PALM2AKAP2: variants seen among roughly 807,000 people sequenced by gnomAD.
PALM2AKAP2 encodes the protein PALM2 and AKAP2 fusion.
In PALM2AKAP2, 37 loss-of-function variants were observed where a neutral mutation model predicts 71.5. That is an observed-to-expected ratio of 0.52 (90% CI 0.40 to 0.68). The LOEUF is 0.68. Among genes scored for constraint, PALM2AKAP2 ranks in the 30% least tolerant of loss-of-function variants. PALM2AKAP2 has a pLI of 0.00. For synonymous variants in PALM2AKAP2, 468 were observed against 478.8 expected (o/e 0.98, Z 0.29); for missense variants, 1,224 against 1,191.8 (o/e 1.03, Z -0.40).
At chr9:109,689,200 C>CTTT (rs200092612) in intron 1 of PALM2AKAP2, among the ~76,000 whole-genome samples, 5 of 134,150 alleles carry the variant, frequency 3.7e-5, no homozygotes, top group Admixed American at 7.6e-5. Context: ...TTTTTCTTTT[C>CTTT]TTTTTTTTTT....
intron 1 of PALM2AKAP2, among the ~76,000 whole-genome samples, chr9:110,129,922 C>T (rs925262993): frequency 1.4e-4 from 22 of 152,132 alleles, no homozygotes; most frequent in African/African-American, 5.1e-4. Flanking sequence ...TCTTCCTAGT[C>T]GTGTTCAGCT....
intron 6 of PALM2AKAP2, among the ~76,000 whole-genome samples, chr9:109,951,795 C>T (rs1831648569): frequency 6.6e-6 from 1 of 152,174 alleles, no homozygotes; most frequent in Non-Finnish European, 1.5e-5. Flanking sequence ...ATCCTCATGG[C>T]CCACCTGTTG....
At chr9:110,009,303 G>A (rs569749361) in intron 6 of PALM2AKAP2, among the ~76,000 whole-genome samples, 4 of 152,110 alleles carry the variant, frequency 2.6e-5, no homozygotes, top group Non-Finnish European at 5.9e-5. Flanking sequence ...ACCAAGGTCA[G>A]AGCTAAGGAA....
At chr9:109,876,792 TTGTC>T (rs1204026315) in intron 2 of PALM2AKAP2, among the ~76,000 whole-genome samples, 3 of 152,136 alleles carry the variant, frequency 2.0e-5, no homozygotes, top group Admixed American at 2.0e-4. Flanking sequence ...ACTACTGCCT[TTGTC>T]TGTTGGAGCC....
chr9:109,832,872 C>T (rs1317549739), intron 1 of PALM2AKAP2, among the ~76,000 whole-genome samples: 4 of 152,214 alleles, frequency 2.6e-5, no homozygotes, highest in African/African-American at 9.6e-5. Flanking sequence ...GGAATATGCA[C>T]TGAACACTTC....
intron 3 of PALM2AKAP2, among the ~76,000 whole-genome samples, chr9:110,163,222 G>C (rs1019614911): frequency 1.3e-5 from 2 of 151,642 alleles, no homozygotes; most frequent in Admixed American, 6.6e-5. Context: ...CAGAATTCTA[G>C]AGAGAATCAT....
intron 1 of PALM2AKAP2, among the ~76,000 whole-genome samples, chr9:109,685,285 A>T (rs1827792279): frequency 6.6e-6 from 1 of 152,162 alleles, no homozygotes; most frequent in African/African-American, 2.4e-5. Context: ...GGACACTTAA[A>T]ATATATGAAT....
intron 1 of PALM2AKAP2, among the ~76,000 whole-genome samples, chr9:109,808,988 C>T (rs904625946): frequency 6.6e-6 from 1 of 152,226 alleles, no homozygotes; most frequent in Non-Finnish European, 1.5e-5. Context: ...GGTTTGGGAA[C>T]CTCCCCCTGG....
chr9:110,082,695 A>G (rs1834476461), intron 1 of PALM2AKAP2, among the ~76,000 whole-genome samples: 1 of 152,248 alleles, frequency 6.6e-6, no homozygotes, highest in African/African-American at 2.4e-5. Flanking sequence ...GTTTTGTGGT[A>G]AAATGTATGC....
rs777949991 is a variant in PALM2AKAP2 at position 110,137,366 on chromosome 9, G to T, written c.1396G>T (p.Gly466Trp). 2.5e-6 allele frequency: 4 copies of T among 1,613,992 alleles called. No individual in the cohort carries two copies. In the Admixed American group the frequency reaches 5.0e-5, roughly 20 times the overall value. ...GACTAATCCGAGACCACCTTCTGTC[G>T]GGGGACCTCCAGAAGACAGTGGTGC... is the stretch of plus-strand genomic sequence containing the variant. The change falls in exon 2 of 4, where the codon GGG (glycine) becomes TGG (tryptophan). Residue 466 changes from glycine to tryptophan, a missense_variant. By Grantham distance (184) the Gly-to-Trp change is radical. Coordinates refer to ENST00000374525, the Ensembl canonical transcript of PALM2AKAP2.
chr9:109,718,839 T>A (rs1828365636), intron 1 of PALM2AKAP2, among the ~76,000 whole-genome samples: 2 of 152,238 alleles, frequency 1.3e-5, no homozygotes, highest in African/African-American at 4.8e-5. Flanking sequence ...GGCTTTGGTA[T>A]CCATGTGTGG....
intron 1 of PALM2AKAP2, among the ~76,000 whole-genome samples, chr9:109,687,027 A>T (rs1171449805): frequency 6.6e-6 from 1 of 152,160 alleles, no homozygotes; most frequent in East Asian, 1.9e-4. Flanking sequence ...TTATGGCTGC[A>T]TAGTATTCCA....
chr9:109,727,353 T>C (rs953745103), intron 1 of PALM2AKAP2, among the ~76,000 whole-genome samples: 1 of 152,234 alleles, frequency 6.6e-6, no homozygotes, highest in African/African-American at 2.4e-5. Context: ...TGATATTAGA[T>C]GATTCTATGA....
chr9:109,948,031 T>C (rs1305218318), intron 6 of PALM2AKAP2, among the ~76,000 whole-genome samples: 1 of 152,204 alleles, frequency 6.6e-6, no homozygotes, highest in Non-Finnish European at 1.5e-5. Context: ...AACAACTTAA[T>C]TAATGAGGAA....
chr9:109,698,117 CT>C (rs1827999068), intron 1 of PALM2AKAP2, among the ~76,000 whole-genome samples: 1 of 152,168 alleles, frequency 6.6e-6, no homozygotes, highest in African/African-American at 2.4e-5. Context: ...CACATTGTCT[CT>C]GCCTCATAGA....
intron 6 of PALM2AKAP2, among the ~76,000 whole-genome samples, chr9:109,988,028 T>A (rs1374519253): frequency 6.6e-6 from 1 of 152,218 alleles, no homozygotes; most frequent in Non-Finnish European, 1.5e-5. Flanking sequence ...GAATTTAGTA[T>A]GGGTTCTGTT....
At chr9:109,959,484 A>G (rs1831812152) in intron 6 of PALM2AKAP2, among the ~76,000 whole-genome samples, 1 of 151,984 alleles carries the variant, frequency 6.6e-6, no homozygotes, top group Admixed American at 6.6e-5. Context: ...CTCTACTAAA[A>G]ATACAAAAAA....
At chr9:109,885,669 C>T (rs769831686) in intron 3 of PALM2AKAP2, among the ~76,000 whole-genome samples, 11 of 152,184 alleles carry the variant, frequency 7.2e-5, no homozygotes, top group Non-Finnish European at 8.8e-5. Flanking sequence ...CTGAGCCTTC[C>T]TACTTTGACC....
chr9:109,756,570 A>G (rs1458986236), intron 1 of PALM2AKAP2, among the ~76,000 whole-genome samples: 1 of 152,154 alleles, frequency 6.6e-6, no homozygotes, highest in Non-Finnish European at 1.5e-5. Flanking sequence ...TACACCCAAA[A>G]GTCACTTTTC....
Sources: gnomAD v4.1 joint callset for allele counts (sites outside exome capture counted in the v4.1 genomes callset) on GRCh38, gnomAD v4.1.1 for gene constraint, MANE v1.5 for transcripts, NCBI Gene and HGNC (gene_info 2026-07-23, HGNC 2026-07-21) for gene names.